Variants in PDE4D observed in about 807,000 individuals in gnomAD.
PDE4D encodes the protein phosphodiesterase 4D, also known as 3',5'-cyclic-AMP phosphodiesterase 4D.
A neutral mutation model predicts 87.4 loss-of-function variants in PDE4D; 24 were observed. The ratio of observed to expected loss-of-function variants is 0.27; its 90% CI spans 0.20 to 0.39. PDE4D has a LOEUF of 0.39. Among genes scored for constraint, PDE4D ranks in the 10% least tolerant of loss-of-function variants. PDE4D has a pLI of 1.00. For synonymous variants in PDE4D, 384 were observed against 383.2 expected, an observed-to-expected ratio of 1.00 and a Z score of -0.02; for missense variants, 714 against 1,041.0, an observed-to-expected ratio of 0.69 and a Z score of 4.32.
Position 59,859,567 on chromosome 5 carries a change from A to T in PDE4D, c.455+33601T>A, listed in dbSNP as rs931802163. ...GTAAGATTATTCTCTGGTTTTTTAA[A>T]AGTATGTCTAATGATGTGCTTTTTG... On this transcript the variant is annotated intron_variant, in intron 1 of 14. Transcript: ENST00000340635. Among the ~76,000 whole-genome samples the T allele has an allele frequency of 2.0e-5, 3 of 152,212 alleles. No individual in the cohort carries two copies. In the East Asian group the frequency reaches 5.8e-4, roughly 29 times the overall value.
intron 1 of PDE4D, among the ~76,000 whole-genome samples, chr5:59,875,230 G>T (rs971397476): frequency 1.3e-5 from 2 of 151,946 alleles, no homozygotes; most frequent in Non-Finnish European, 1.5e-5. Context: ...GGGAGGCCGA[G>T]GCGGGCGGAT....
intron 2 of PDE4D, among the ~76,000 whole-genome samples, chr5:59,198,149 A>G (rs1745881420): frequency 6.6e-6 from 1 of 152,208 alleles, no homozygotes; most frequent in South Asian, 2.1e-4. Flanking sequence ...AAATAAAAAC[A>G]ATTATAACAA....
intron 1 of PDE4D, among the ~76,000 whole-genome samples, chr5:59,851,747 G>A (rs1176442751): frequency 1.3e-5 from 2 of 151,986 alleles, no homozygotes; most frequent in African/African-American, 4.8e-5. Context: ...GGCCTTGAAG[G>A]AGTAAACTGC....
chr5:60,396,089 T>G (rs1762865036), intron 1 of PDE4D, among the ~76,000 whole-genome samples: 1 of 152,208 alleles, frequency 6.6e-6, no homozygotes, highest in South Asian at 2.1e-4. Context: ...TGTGCACTGG[T>G]ACAGGGCTAC....
chr5:60,100,324 T>C (rs962281610), intron 2 of PDE4D, among the ~76,000 whole-genome samples: 17 of 152,120 alleles, frequency 1.1e-4, no homozygotes, highest in Middle Eastern at 6.8e-3. Flanking sequence ...GAGGAATAGA[T>C]GGGATTGGGA....
At chr5:59,494,985 A>G (rs1806902009) in intron 1 of PDE4D, among the ~76,000 whole-genome samples, 1 of 152,134 alleles carries the variant, frequency 6.6e-6, no homozygotes, top group South Asian at 2.1e-4. Context: ...TACCCCCTAC[A>G]ATTCCCACCT....
intron 1 of PDE4D, among the ~76,000 whole-genome samples, chr5:59,865,569 A>G (rs188728940): frequency 1.5e-4 from 23 of 152,330 alleles, no homozygotes; most frequent in African/African-American, 5.3e-4. Context: ...AAATGTCACC[A>G]TAATATTCTG....
intron 1 of PDE4D, among the ~76,000 whole-genome samples, chr5:60,429,568 C>T (rs111731766): frequency 0.027 from 4,161 of 152,272 alleles, 92 homozygotes; most frequent in Middle Eastern, 0.078. Flanking sequence ...ATACTCCCAG[C>T]TTTTGCCCAT....
At chr5:60,075,398 C>A (rs1217673235) in intron 2 of PDE4D, among the ~76,000 whole-genome samples, 1 of 152,194 alleles carries the variant, frequency 6.6e-6, no homozygotes, top group Non-Finnish European at 1.5e-5. Flanking sequence ...AAGGACTTCC[C>A]TTTGTAGGTG....
rs527947538 is a variant in PDE4D at position 59,496,744 on chromosome 5, G to A, written c.456-280776C>T. Among the ~76,000 whole-genome samples, 6 of 152,244 alleles carry A rather than the reference G, an allele frequency of 3.9e-5. No homozygotes were observed. In the East Asian group the frequency reaches 1.2e-3, roughly 30 times the overall value. ...AAAGCCAGGGAATGGTTGTCGAGAA[G>A]GGGTCATCGCTCACCTCTCTCATCC... is the stretch of plus-strand genomic sequence containing the variant. On this transcript the variant is annotated intron_variant, in intron 1 of 14. Transcript: ENST00000340635.
intron 1 of PDE4D, among the ~76,000 whole-genome samples, chr5:59,536,158 C>T (rs556392678): frequency 6.6e-6 from 1 of 152,094 alleles, no homozygotes; most frequent in African/African-American, 2.4e-5. Flanking sequence ...ATATTGGATA[C>T]ACGAAAATGG....
At chr5:59,847,472 G>T (rs1431586709) in intron 1 of PDE4D, among the ~76,000 whole-genome samples, 1 of 152,030 alleles carries the variant, frequency 6.6e-6, no homozygotes, top group Non-Finnish European at 1.5e-5. Context: ...ACCAGTTCAG[G>T]TAAGGCTACA....
intron 2 of PDE4D, among the ~76,000 whole-genome samples, chr5:60,153,923 C>G (rs1781738491): frequency 6.6e-6 from 1 of 152,056 alleles, no homozygotes; most frequent in Admixed American, 6.5e-5. Context: ...CGAATAAGTC[C>G]TAGAGATTGT....
intron 1 of PDE4D, among the ~76,000 whole-genome samples, chr5:60,251,901 A>G (rs1158754102): frequency 1.3e-5 from 2 of 151,940 alleles, no homozygotes; most frequent in African/African-American, 2.4e-5. Flanking sequence ...TGCAAGCTTC[A>G]TTCATGGTAA....
intron 5 of PDE4D, among the ~76,000 whole-genome samples, chr5:59,171,479 T>C (rs1324901345): frequency 6.6e-6 from 1 of 152,210 alleles, no homozygotes; most frequent in African/African-American, 2.4e-5. Context: ...GATTTTCCAC[T>C]GTCCATAAAA....
At chr5:60,251,443 A>C (rs1748449954) in intron 1 of PDE4D, among the ~76,000 whole-genome samples, 1 of 151,884 alleles carries the variant, frequency 6.6e-6, no homozygotes, top group Non-Finnish European at 1.5e-5. Context: ...CCCACTTGTA[A>C]GTGAGAACAT....
At chr5:60,284,172 C>T (rs13159724) in intron 1 of PDE4D, among the ~76,000 whole-genome samples, 18,988 of 152,098 alleles carry the variant, frequency 0.12, 1,321 homozygotes, top group South Asian at 0.29. Flanking sequence ...ACCTATTTAG[C>T]ACTCACCTTG....
At chr5:60,244,432 A>T (rs1045796849) in intron 1 of PDE4D, among the ~76,000 whole-genome samples, 3 of 152,014 alleles carry the variant, frequency 2.0e-5, no homozygotes, top group African/African-American at 7.2e-5. Context: ...CATTCTTTAC[A>T]GAAATAGAAA....
At chr5:59,476,821 A>G (rs1803356286) in intron 1 of PDE4D, among the ~76,000 whole-genome samples, 1 of 152,124 alleles carries the variant, frequency 6.6e-6, no homozygotes, top group African/African-American at 2.4e-5. Flanking sequence ...CAAAAATTAC[A>G]AAATAAATAT....
Sources: gnomAD v4.1 joint callset for allele counts (sites outside exome capture counted in the v4.1 genomes callset) on GRCh38, gnomAD v4.1.1 for gene constraint, MANE v1.5 for transcripts, NCBI Gene and HGNC (gene_info 2026-07-23, HGNC 2026-07-21) for gene names.